The following WDPCP variants were observed in gnomAD, a reference collection of about 807,000 sequenced individuals.
The protein encoded by WDPCP is WD repeat containing planar cell polarity effector.
WDPCP carries 71 observed loss-of-function variants against 93.1 expected under a neutral mutation model. That is an observed-to-expected ratio of 0.76 (90% CI 0.63 to 0.93). WDPCP has a LOEUF of 0.93. Among genes scored for constraint, WDPCP ranks in the 40% least tolerant of loss-of-function variants. WDPCP has a pLI of 0.00. For synonymous variants in WDPCP, 315 were observed against 315.0 expected (o/e 1.00, Z 0.00); for missense variants, 844 against 887.4 (o/e 0.95, Z 0.62).
chr2:63,642,478 G>A (rs1248214559), intron 3 of WDPCP: 1 of 117,752 alleles, frequency 8.5e-6, no homozygotes, highest in Non-Finnish European at 1.8e-5. Flanking sequence ...TTTTTTTTTG[G>A]TGTCATCACT....
At chr2:63,706,386 A>T (rs868758166) in intron 2 of WDPCP, among the ~76,000 whole-genome samples, 1 of 152,062 alleles carries the variant, frequency 6.6e-6, no homozygotes, top group African/African-American at 2.4e-5. Flanking sequence ...GTTTCTTCCT[A>T]GTCTTGATGG....
chr2:63,360,264 CT>C (rs1427812482), intron 12 of WDPCP, among the ~76,000 whole-genome samples: 1 of 152,194 alleles, frequency 6.6e-6, no homozygotes, highest in East Asian at 1.9e-4. Flanking sequence ...AAGTCTGTGT[CT>C]TGTTATAATT....
Position 63,119,875 on chromosome 2 carries a change from T to C in WDPCP, c.*2131A>G, listed in dbSNP as rs1024602977. ...TCTGGGAAATAACAGCATTTATAAA[T>C]CATGGACATTATCAAAGATCATTCA... On this transcript the variant is annotated 3_prime_UTR_variant, in exon 18 of 18. Transcript: ENST00000272321. Among the ~76,000 whole-genome samples, 17 of 152,220 alleles carry C rather than the reference T, an allele frequency of 1.1e-4. No individual in the cohort carries two copies. The highest frequency in any genetic ancestry group is 4.1e-4 in the African/African-American group (17 of 41,448).
intron 9 of WDPCP, among the ~76,000 whole-genome samples, chr2:63,421,233 A>G (rs1695835094): frequency 6.6e-6 from 1 of 152,202 alleles, no homozygotes; most frequent in Non-Finnish European, 1.5e-5. Context: ...AATAAAAAGA[A>G]AAGTTTAGAA....
chr2:63,570,372 A>G (rs1336928840), intron 1 of WDPCP, among the ~76,000 whole-genome samples: 1 of 152,202 alleles, frequency 6.6e-6, no homozygotes, highest in Non-Finnish European at 1.5e-5. Context: ...CTTCCCCACC[A>G]AAGAATAGCC....
chr2:63,603,394 C>T (rs1385107752), intron 3 of WDPCP, among the ~76,000 whole-genome samples: 1 of 152,090 alleles, frequency 6.6e-6, no homozygotes. Context: ...TTTATGTGTG[C>T]TAAAGCTACA....
intron 12 of WDPCP, among the ~76,000 whole-genome samples, chr2:63,358,798 C>G (rs936891346): frequency 1.3e-5 from 2 of 152,098 alleles, no homozygotes; most frequent in African/African-American, 4.8e-5. Context: ...AGCATAGATG[C>G]AATTTAAAGG....
At chr2:63,767,450 C>T (rs1227704295) in intron 2 of WDPCP, among the ~76,000 whole-genome samples, 1 of 152,134 alleles carries the variant, frequency 6.6e-6, no homozygotes, top group Non-Finnish European at 1.5e-5. Flanking sequence ...TAACATTTTA[C>T]ATTTTCATCA....
chr2:63,370,855 T>G (rs766090782), intron 12 of WDPCP, among the ~76,000 whole-genome samples: 4 of 152,296 alleles, frequency 2.6e-5, no homozygotes, highest in Non-Finnish European at 5.9e-5. Context: ...AAGAAATGTT[T>G]AGCTTTATTA....
intron 2 of WDPCP, among the ~76,000 whole-genome samples, chr2:63,687,883 C>T (rs1668832137): frequency 6.6e-6 from 1 of 152,182 alleles, no homozygotes; most frequent in African/African-American, 2.4e-5. Context: ...TGTATCTGTA[C>T]TCCCATGTTT....
chr2:63,265,554 C>T (rs1421084996), intron 13 of WDPCP, among the ~76,000 whole-genome samples: 1 of 152,162 alleles, frequency 6.6e-6, no homozygotes, highest in African/African-American at 2.4e-5. Flanking sequence ...AGCCCAGGAT[C>T]TGATGGTTTC....
intron 1 of WDPCP, among the ~76,000 whole-genome samples, chr2:63,505,777 A>C (rs1701831771): frequency 6.6e-6 from 1 of 152,114 alleles, no homozygotes; most frequent in Non-Finnish European, 1.5e-5. Context: ...AGTATGATTC[A>C]ACCTACATTT....
intron 1 of WDPCP, among the ~76,000 whole-genome samples, chr2:63,508,357 A>G (rs1702017419): frequency 6.6e-6 from 1 of 152,210 alleles, no homozygotes; most frequent in African/African-American, 2.4e-5. Flanking sequence ...TGAAGGAGAA[A>G]TAAAATCCTT....
intron 2 of WDPCP, among the ~76,000 whole-genome samples, chr2:63,700,282 C>CAAAAAAAA (rs1196006011): frequency 0.017 from 711 of 40,664 alleles, 1 homozygote; most frequent in Non-Finnish European, 0.021. Context: ...GACCCTGTCT[C>CAAAAAAAA]AAAAAAAAAA....
chr2:63,214,072 A>G (rs1336907935), intron 14 of WDPCP, among the ~76,000 whole-genome samples: 1 of 152,220 alleles, frequency 6.6e-6, no homozygotes, highest in Non-Finnish European at 1.5e-5. Flanking sequence ...ATGCCTTCTG[A>G]AACTGTTCCA....
At chr2:63,384,233 TGAG>T (rs1270222883) in intron 10 of WDPCP, among the ~76,000 whole-genome samples, 4 of 152,142 alleles carry the variant, frequency 2.6e-5, no homozygotes, top group African/African-American at 9.7e-5. Flanking sequence ...GCTTGTTCTT[TGAG>T]AAGATCAGTA....
chr2:63,793,819 A>G (rs1324896645), intron 2 of WDPCP, among the ~76,000 whole-genome samples: 1 of 152,010 alleles, frequency 6.6e-6, no homozygotes, highest in Non-Finnish European at 1.5e-5. Context: ...TTGACAATTT[A>G]TATCAAGAAA....
intron 14 of WDPCP, among the ~76,000 whole-genome samples, chr2:63,209,141 G>T (rs1676563206): frequency 6.6e-6 from 1 of 152,226 alleles, no homozygotes; most frequent in African/African-American, 2.4e-5. Flanking sequence ...CCAAAAGGCT[G>T]CCTCCATCCC....
At chr2:63,215,875 C>A (rs1574898750) in intron 14 of WDPCP, among the ~76,000 whole-genome samples, 2 of 151,770 alleles carry the variant, frequency 1.3e-5, no homozygotes, top group South Asian at 4.2e-4. Context: ...AAAAAAACAA[C>A]CCCATCCAAA....
Sources: allele counts gnomAD v4.1 joint callset (sites outside exome capture counted in the v4.1 genomes callset), GRCh38; gene constraint gnomAD v4.1.1; transcripts MANE v1.5; gene names NCBI Gene and HGNC (gene_info 2026-07-23, HGNC 2026-07-21).